The following RPUSD3 variants were observed in gnomAD, a reference collection of about 807,000 sequenced individuals.
RPUSD3 encodes RNA pseudouridine synthase D3, also known as mitochondrial mRNA pseudouridine synthase RPUSD3.
In RPUSD3, 36 loss-of-function variants were observed where a neutral mutation model predicts 35.1. That is an observed-to-expected ratio of 1.02 (90% CI 0.79 to 1.35). The LOEUF is 1.35. Ranked by LOEUF, RPUSD3 falls within the 40% of genes most tolerant of loss-of-function variation. RPUSD3 has a pLI of 0.00. For missense variants in RPUSD3, 486 were observed against 441.9 expected (o/e 1.10, Z -0.89); for synonymous variants, 202 against 187.8 (o/e 1.08, Z -0.62).
chr3:9,838,290 G>C (rs1452823316), intron 8 of RPUSD3, 83 bp from the exon 9 acceptor site: 76 of 1,402,864 alleles, frequency 5.4e-5, no homozygotes, highest in Non-Finnish European at 6.9e-6. Context: ...TGGGAGTAAG[G>C]CGGGCGCTTC....
intron 7 of RPUSD3, 47 bp from the exon 8 acceptor site, chr3:9,839,218 TG>T: frequency 1.3e-6 from 2 of 1,580,980 alleles, no homozygotes; most frequent in Non-Finnish European, 8.6e-7. Context: ...CTACTCGTTC[TG>T]TGCCACCCAG....
intron 4 of RPUSD3, chr3:9,841,479 T>TTG (rs57641804): frequency 0.12 from 18,649 of 154,820 alleles, 1,379 homozygotes; most frequent in African/African-American, 0.2. Context: ...AGCTAGGTTT[T>TTG]TGTGTGTGTG....
chr3:9,843,288 CAT>C, intron 2 of RPUSD3, 175 bp downstream of exon 2: 19 of 808,756 alleles, frequency 2.3e-5, no homozygotes, highest in Non-Finnish European at 3.5e-5. Context: ...AACCCTACTG[CAT>C]CATGGCAGTA....
At chr3:9,843,919 G>A (rs1315189678) in exon 1 of RPUSD3, 3 of 1,605,258 alleles carry the variant, frequency 1.9e-6, no homozygotes, top group East Asian at 2.2e-5. Context: ...CTGCGTCCTC[G>A]GGCACTGGGC....
At position 9,839,477 on chromosome 3, in the gene RPUSD3, C is replaced by G. The variant is rs146040417; in HGVS notation, c.725-306G>C. 532 of 232,838 alleles carry G rather than the reference C, an allele frequency of 2.3e-3. 1 individual carries two copies. Among genetic ancestry groups the G allele is most frequent in the Non-Finnish European group, 3.4e-3 (406 of 119,798 alleles). The allele number at this position is 232,838 out of a possible 1,614,324, so 14.4% of individuals were successfully genotyped here. On this transcript the variant is annotated intron_variant, in intron 7 of 8. Coordinates refer to ENST00000383820, the Ensembl canonical transcript of RPUSD3. ...GGGTGCTAGCCTGAAGCTGCCTCCT[C>G]TAGCTGGGCCTGGTCACATACACCT... is the stretch of plus-strand genomic sequence containing the variant.
At chr3:9,839,062 C>A in exon 8 of RPUSD3, 1 of 1,614,216 alleles carries the variant, frequency 6.2e-7, no homozygotes. Flanking sequence ...TCTCAGCTGG[C>A]AGCAGAAATC....
intron 8 of RPUSD3, 101 bp from the exon 9 acceptor site, chr3:9,838,308 C>T: frequency 9.1e-7 from 1 of 1,104,146 alleles, no homozygotes; most frequent in Non-Finnish European, 1.3e-6. Context: ...TTCCTCCATT[C>T]CCCACTGTTC....
At chr3:9,843,991 C>A (rs550925995) in exon 1 of RPUSD3, 14 of 1,596,212 alleles carry the variant, frequency 8.8e-6, no homozygotes, top group Non-Finnish European at 1.2e-5. Context: ...GGCCGTCCAT[C>A]TCCCGAGCCA....
rs749767157 is a variant in RPUSD3 at position 9,840,521 on chromosome 3, C to T, written c.600+11G>A. 3 of 1,613,828 alleles carry T rather than the reference C, an allele frequency of 1.9e-6. No homozygotes were observed. The highest frequency in any genetic ancestry group is 1.3e-5 in the African/African-American group (1 of 75,024). On this transcript the variant is annotated intron_variant, in intron 6 of 8. Transcript: ENST00000383820. ...TAGAAGCACCCCTCCTCTTCCCAGA[C>T]CCGGACTCACGAGATTGACCCCATC...
intron 2 of RPUSD3, chr3:9,842,464 G>A: frequency 3.3e-6 from 2 of 601,736 alleles, no homozygotes; most frequent in Non-Finnish European, 6.0e-6. Context: ...TCCCAGGTCT[G>A]GCTCCCTATC....
chr3:9,843,990 T>A (rs951588009), exon 1 of RPUSD3: 4 of 1,596,490 alleles, frequency 2.5e-6, no homozygotes, highest in Non-Finnish European at 3.4e-6. Context: ...CGGCCGTCCA[T>A]CTCCCGAGCC....
At chr3:9,838,189 G>A in exon 9 of RPUSD3, 2 of 1,612,060 alleles carry the variant, frequency 1.2e-6, no homozygotes, top group South Asian at 1.1e-5. Context: ...AGGCGTCTGA[G>A]GAGGGCTTCA....
intron 7 of RPUSD3, chr3:9,839,427 G>A: frequency 2.7e-6 from 1 of 374,732 alleles, no homozygotes; most frequent in Non-Finnish European, 4.9e-6. Context: ...AAGCCACCGG[G>A]CCTAAGGACT....
chr3:9,842,518 A>G (rs1479003605), intron 2 of RPUSD3: 7 of 533,238 alleles, frequency 1.3e-5, no homozygotes, highest in South Asian at 8.9e-5. Context: ...TGAATCTCCA[A>G]TCTAATGTCT....
intron 8 of RPUSD3, 76 bp downstream of exon 8, chr3:9,838,956 T>A (rs1311027905): frequency 1.2e-6 from 2 of 1,603,660 alleles, no homozygotes; most frequent in African/African-American, 1.3e-5. Flanking sequence ...GCTGCACAGA[T>A]AAGGTCTGGA....
At chr3:9,842,495 T>TGA (rs1023242675) in intron 2 of RPUSD3, 1 of 572,868 alleles carries the variant, frequency 1.7e-6, no homozygotes, top group African/African-American at 1.9e-5. Context: ...AAATGTCACA[T>TGA]CACGGAGAGG....
At position 9,840,061 on chromosome 3, in the gene RPUSD3, T is replaced by C. The variant is rs1304816105; in HGVS notation, c.724+123A>G. The C allele has an allele frequency of 3.1e-6, 4 of 1,293,836 alleles. No homozygotes were observed. In the African/African-American group the frequency reaches 4.5e-5, roughly 15 times the overall value. The allele number at this position is 1,293,836 out of a possible 1,614,324, so 80.1% of individuals were successfully genotyped here. On this transcript the variant is annotated intron_variant, in intron 7 of 8. Coordinates refer to ENST00000383820, the Ensembl canonical transcript of RPUSD3. ...GTGCCCAGCTAATTTTTGTAGTTTT[T>C]AGTTGAAACAGGGTTTCACCATCTT...
At chr3:9,843,863 C>A in intron 1 of RPUSD3, 27 bp downstream of exon 1, 3 of 1,586,868 alleles carry the variant, frequency 1.9e-6, no homozygotes, top group Non-Finnish European at 1.7e-6. Flanking sequence ...GCCTCCGTCC[C>A]GCATGAGAGA....
rs564499836 is a variant in RPUSD3, at chr3:9,843,401, G to T, written c.262+64C>A. 99 of 1,599,478 alleles carry T rather than the reference G, an allele frequency of 6.2e-5. No individual in the cohort carries two copies. The South Asian group carries it at 1.1e-3, about 17-fold the overall frequency. On this transcript the variant is annotated intron_variant, in intron 2 of 8. Transcript: ENST00000383820. ...GCTGATCCCGTGGCTTCAATGGAGA[G>T]CCCAACTGCACGCCGAGGCAGTCCC...
Sources: allele counts gnomAD v4.1 joint callset, GRCh38; gene constraint gnomAD v4.1.1; transcripts MANE v1.5; gene names NCBI Gene and HGNC (gene_info 2026-07-23, HGNC 2026-07-21).